MDN1: variants seen among roughly 807,000 people sequenced by gnomAD.
The protein encoded by MDN1 is midasin AAA ATPase 1.
In MDN1, 266 loss-of-function variants were observed where a neutral mutation model predicts 669.2. The observed-to-expected ratio is 0.40, with a 90% CI of 0.36 to 0.44. The LOEUF is 0.44. Among genes scored for constraint, MDN1 ranks in the 20% least tolerant of loss-of-function variants. MDN1 has a pLI of 1.00. For missense variants in MDN1, 5,940 were observed against 6,754.0 expected (o/e 0.88, Z 4.22); for synonymous variants, 2,385 against 2,457.1 (o/e 0.97, Z 0.87).
intron 53 of MDN1, among the ~76,000 whole-genome samples, chr6:89,704,859 C>T (rs1813415001): frequency 1.3e-5 from 2 of 152,188 alleles, no homozygotes; most frequent in Admixed American, 1.3e-4. Context: ...GGGTTAGAGG[C>T]GTGAGCCACC....
At chr6:89,729,199 A>G in intron 35 of MDN1, 60 bp from the exon 36 acceptor site, 2 of 1,366,120 alleles carry the variant, frequency 1.5e-6, no homozygotes, top group Non-Finnish European at 1.0e-6. Context: ...ACATGTATGC[A>G]TCAACTCAAG....
chr6:89,781,603 G>A lies in MDN1; in HGVS notation c.1450-11C>T. The A allele has an allele frequency of 1.3e-6, 2 of 1,541,408 alleles. No homozygotes were observed. The highest frequency in any genetic ancestry group is 8.7e-7 in the Non-Finnish European group (1 of 1,144,444). On this transcript the variant is annotated splice_polypyrimidine_tract_variant and intron_variant, in intron 9 of 101. Coordinates refer to ENST00000369393, the MANE Select transcript of MDN1 (RefSeq NM_014611.3). ...TCTGCTCTGAAGAACCTGACAGAGG[G>A]GGAAAAAAAAGAAAATTTAACAGCC...
At chr6:89,808,253 T>G (rs1768141899) in intron 1 of MDN1, among the ~76,000 whole-genome samples, 1 of 152,180 alleles carries the variant, frequency 6.6e-6, no homozygotes. Flanking sequence ...TAGTACTTTT[T>G]TAATCGGATG....
chr6:89,815,069 TC>T, intron 1 of MDN1: 1 of 469,204 alleles, frequency 2.1e-6, no homozygotes, highest in Non-Finnish European at 4.1e-6. Context: ...GAGCAGTGTC[TC>T]CCCAACTCAC....
At chr6:89,690,880 G>A (rs202014910) in intron 63 of MDN1, 46 bp from the exon 64 acceptor site, 2 of 1,591,238 alleles carry the variant, frequency 1.3e-6, no homozygotes, top group South Asian at 1.1e-5. Context: ...CTTTGCTGAG[G>A]CATTCACAAA....
intron 84 of MDN1, among the ~76,000 whole-genome samples, chr6:89,667,195 A>G (rs1228859501): frequency 6.6e-6 from 1 of 150,738 alleles, no homozygotes. Flanking sequence ...TTTTTTTTCT[A>G]CTAGAAAAGT....
At chr6:89,754,032 C>T (rs1817097878) in intron 21 of MDN1, 51 bp downstream of exon 21, 1 of 1,579,722 alleles carries the variant, frequency 6.3e-7, no homozygotes, top group South Asian at 1.2e-5. Flanking sequence ...CCTTCCTTCC[C>T]ATGAACCCAT....
At chr6:89,675,788 T>C (rs1283654558) in intron 77 of MDN1, 3 of 571,188 alleles carry the variant, frequency 5.3e-6, no homozygotes, top group Admixed American at 6.7e-5. Flanking sequence ...CCAAAATGCA[T>C]TTATTAGTGG....
intron 51 of MDN1, among the ~76,000 whole-genome samples, chr6:89,708,138 C>CA (rs1207607148): frequency 6.6e-6 from 1 of 151,882 alleles, no homozygotes; most frequent in Non-Finnish European, 1.5e-5. Flanking sequence ...CCTGTCTCTA[C>CA]AAAAAAGTAC....
Position 89,781,492 on chromosome 6 carries a change from C to A in MDN1, c.1550G>T (p.Ser517Ile), listed in dbSNP as rs770436887. 41 of 1,613,898 alleles carry A rather than the reference C, an allele frequency of 2.5e-5. No homozygotes were observed. The highest frequency in any genetic ancestry group is 3.1e-5 in the Non-Finnish European group (37 of 1,179,882). ...TGEKHHSWSD[S>I]SVGCEQAPEE... ...AGGTGCCTGTTCACATCCAACAGAA[C>A]TATCACTCCAAGAGTGATGTTTCTC... The change falls in exon 10 of 102, where the codon AGT becomes ATT. Residue 517 changes from serine (S) to isoleucine (I), a missense_variant. This residue lies in a region of MDN1 where 1,203 missense variants were observed against 1,268.9 expected (regional missense o/e 0.95). Coordinates refer to ENST00000369393, the MANE Select transcript of MDN1 (RefSeq NM_014611.3).
At chr6:89,768,979 A>G (rs189308795) in intron 15 of MDN1, among the ~76,000 whole-genome samples, 41 of 152,240 alleles carry the variant, frequency 2.7e-4, no homozygotes, top group Non-Finnish European at 4.7e-4. Context: ...ACTTGAGCCC[A>G]GAAAGTCAAG....
intron 33 of MDN1, among the ~76,000 whole-genome samples, chr6:89,736,222 T>C (rs1410734800): frequency 6.6e-6 from 1 of 152,214 alleles, no homozygotes; most frequent in Non-Finnish European, 1.5e-5. Context: ...CTGGGAAGTC[T>C]GCTGCTGTGT....
intron 1 of MDN1, among the ~76,000 whole-genome samples, chr6:89,812,590 C>T (rs1404157315): frequency 1.3e-5 from 2 of 151,984 alleles, no homozygotes; most frequent in African/African-American, 4.8e-5. Context: ...AATGAAATTA[C>T]TACACTGTCA....
rs755205200 is a variant in MDN1, at chr6:89,794,124, T to A, written c.638A>T (p.Asp213Val). 1 of 1,594,044 alleles carries A rather than the reference T, an allele frequency of 6.3e-7. No individual in the cohort carries two copies. Among genetic ancestry groups the A allele is most frequent in the South Asian group, 1.1e-5 (1 of 86,968 alleles). ...LSFLKKIFNS[D>V]ELIHFRLRLL... ...CCTCAACCTGAAATGGATCAATTCA[T>A]CACTATTAAATATCTTCTTAAGAAA... Residue 213 changes from aspartate to valine, a missense_variant, in exon 4 of 102, where the codon GAT becomes GTT. This residue lies in a region of MDN1 where 1,203 missense variants were observed against 1,268.9 expected (regional missense o/e 0.95). Coordinates refer to ENST00000369393, the MANE Select transcript of MDN1 (RefSeq NM_014611.3).
intron 71 of MDN1, 49 bp from the exon 72 acceptor site, chr6:89,683,953 T>G: frequency 7.4e-7 from 1 of 1,350,122 alleles, no homozygotes; most frequent in East Asian, 2.3e-5. Flanking sequence ...GCTAGTGTCA[T>G]TCTGTTTCTT....
chr6:89,714,449 A>G (rs1317464442), intron 46 of MDN1, 94 bp downstream of exon 46: 38 of 1,114,680 alleles, frequency 3.4e-5, no homozygotes, highest in Non-Finnish European at 4.5e-5. Flanking sequence ...TATATACACT[A>G]AATGTACGAA....
At chr6:89,685,032 G>A (rs1433195829) in intron 70 of MDN1, 47 bp from the exon 71 acceptor site, 1 of 1,300,634 alleles carries the variant, frequency 7.7e-7, no homozygotes, top group South Asian at 1.2e-5. Flanking sequence ...TGCTGCATGT[G>A]CTACTGGTGC....
intron 11 of MDN1, among the ~76,000 whole-genome samples, chr6:89,777,270 T>C (rs1562207740): frequency 6.6e-6 from 1 of 152,158 alleles, no homozygotes; most frequent in Non-Finnish European, 1.5e-5. Flanking sequence ...ACAGAAAATA[T>C]GAGAGATAAA....
chr6:89,780,815 ATTT>A (rs67350721), intron 10 of MDN1, among the ~76,000 whole-genome samples: 332 of 144,990 alleles, frequency 2.3e-3, no homozygotes, highest in Middle Eastern at 7.0e-3. Context: ...TAATTTTTGT[ATTT>A]TTTTTTTTTT....
Sources: allele counts gnomAD v4.1 joint callset (sites outside exome capture counted in the v4.1 genomes callset), GRCh38; gene constraint gnomAD v4.1.1; regional missense constraint gnomAD v4.1.1; transcripts MANE v1.5; gene names NCBI Gene and HGNC (gene_info 2026-07-23, HGNC 2026-07-21).